PDLIM5: variants seen among roughly 807,000 people sequenced by gnomAD.
PDLIM5 encodes the protein PDZ and LIM domain protein 5.
A neutral mutation model predicts 64.2 loss-of-function variants in PDLIM5; 34 were observed. The observed-to-expected ratio is 0.53, with a 90% confidence interval of 0.40 to 0.71. The LOEUF is 0.71. Among genes scored for constraint, PDLIM5 ranks in the 30% least tolerant of loss-of-function variants. The pLI is 0.00. For synonymous variants in PDLIM5, 253 were observed against 269.1 expected, an observed-to-expected ratio of 0.94 and a Z score of 0.59; for missense variants, 683 against 733.6, an observed-to-expected ratio of 0.93 and a Z score of 0.80.
chr4:94,499,104 A>C (rs1727667363), intron 2 of PDLIM5, among the ~76,000 whole-genome samples: 1 of 152,134 alleles, frequency 6.6e-6, no homozygotes, highest in Non-Finnish European at 1.5e-5. Context: ...GATTGGTTAG[A>C]CCAAATGGTC....
rs1186437422 is a variant in PDLIM5, at chr4:94,482,339, T to A, written c.96+26955T>A. 2.6e-5 allele frequency among the ~76,000 whole-genome samples: 4 copies of A among 152,092 alleles called. No individual in the cohort carries two copies. In the East Asian group the frequency reaches 7.7e-4, roughly 29 times the overall value. On this transcript the variant is annotated intron_variant, in intron 2 of 12. Transcript: ENST00000317968. ...TGTGAGCCACTGCACCCAGCCCAAT[T>A]TTGGTTAAGTTTAAGACCTTTTGAG... is the stretch of plus-strand genomic sequence containing the variant.
At chr4:94,462,090 TCCTGA>T (rs1723942376) in intron 2 of PDLIM5, among the ~76,000 whole-genome samples, 1 of 152,180 alleles carries the variant, frequency 6.6e-6, no homozygotes, top group East Asian at 1.9e-4. Flanking sequence ...GGTCTCGAAC[TCCTGA>T]CCTTTGATCC....
intron 9 of PDLIM5, among the ~76,000 whole-genome samples, chr4:94,649,802 A>G (rs1204075199): frequency 6.6e-6 from 1 of 152,244 alleles, no homozygotes; most frequent in African/African-American, 2.4e-5. Flanking sequence ...CTCAAAAAGA[A>G]TTGACTGTAG....
intron 2 of PDLIM5, among the ~76,000 whole-genome samples, chr4:94,474,290 G>A (rs936740931): frequency 1.3e-5 from 2 of 151,954 alleles, no homozygotes; most frequent in African/African-American, 2.4e-5. Flanking sequence ...TTGCTCTGTC[G>A]CCCAGGGTGG....
chr4:94,662,528 T>G lies in PDLIM5; in HGVS notation c.1692T>G (p.Phe564Leu). The change falls in exon 12 of 13, where the codon TTT (phenylalanine) becomes TTG (leucine). Residue 564 changes from phenylalanine to leucine, a missense_variant. Transcript: ENST00000317968. ...GCTACACCTGGCATGACACTTGCTT[T>G]GTATGCTCAGTAAGTAGAGTCTTAT... ...ALGYTWHDTC[F>L]VCSVCCESLE... The G allele has an allele frequency of 6.6e-7, 1 of 1,524,576 alleles. No individual in the cohort carries two copies. The highest frequency in any genetic ancestry group is 1.1e-5 in the South Asian group (1 of 89,266). The allele number at this position is 1,524,576 out of a possible 1,614,324, so 94.4% of individuals were successfully genotyped here. A position where few individuals can be genotyped will look rare whatever the true frequency, so the allele number is the denominator to read the frequency against.
chr4:94,489,742 A>G (rs1726687528), intron 2 of PDLIM5, among the ~76,000 whole-genome samples: 1 of 152,092 alleles, frequency 6.6e-6, no homozygotes, highest in African/African-American at 2.4e-5. Context: ...CCTGGGCAAC[A>G]TAGGGAAGGC....
chr4:94,542,336 T>TAAATAAATAAATAAATA (rs34137049), intron 3 of PDLIM5, among the ~76,000 whole-genome samples: 1,930 of 141,442 alleles, frequency 0.014, 41 homozygotes, highest in African/African-American at 0.051. Context: ...ATAAATAAAG[T>TAAATAAATAAATAAATA]AAGTAAGTAA....
At chr4:94,656,535 A>G (rs1742222178) in intron 10 of PDLIM5, among the ~76,000 whole-genome samples, 1 of 150,234 alleles carries the variant, frequency 6.7e-6, no homozygotes, top group Non-Finnish European at 1.5e-5. Flanking sequence ...GGATTACATT[A>G]TATTTTTATT....
In PDLIM5 at chr4:94,524,393, A is replaced by AT. The variant is rs1031934710; in HGVS notation, c.248+518_248+519insT. On this transcript the variant is annotated intron_variant, in intron 3 of 12. Transcript: ENST00000317968. ...CAAAAAAAAAAAAAAAAAAAAAAAA[A>AT]ATTGTGTATACAGCTTCAGAGAATT... Among the ~76,000 whole-genome samples the AT allele has an allele frequency of 2.0e-4, 29 of 143,242 alleles. No homozygotes were observed. In the East Asian group the frequency reaches 2.2e-3, roughly 11 times the overall value. The allele number at this position is 143,242 out of a possible 152,430, so 94.0% of individuals were successfully genotyped here.
chr4:94,539,891 T>A lies in PDLIM5; in HGVS notation c.248+16016T>A, dbSNP rs942428144. ...GAAGAGTTGGGAGATGGTTAGAGGGTTGGGAGGGTTCAGATTATAAAATGT... is the reference window on the plus strand; with the variant it reads ...GAAGAGTTGGGAGATGGTTAGAGGGATGGGAGGGTTCAGATTATAAAATGT... On this transcript the variant is annotated intron_variant, in intron 3 of 12. Coordinates refer to ENST00000317968, the MANE Select transcript of PDLIM5 (RefSeq NM_006457.5). Among the ~76,000 whole-genome samples the A allele has an allele frequency of 3.3e-5, 5 of 152,132 alleles. No individual in the cohort carries two copies. The South Asian group carries it at 1.0e-3, about 32-fold the overall frequency.
intron 2 of PDLIM5, among the ~76,000 whole-genome samples, chr4:94,462,704 AG>A (rs1345901223): frequency 2.0e-5 from 3 of 152,306 alleles, no homozygotes; most frequent in Admixed American, 2.0e-4. Flanking sequence ...GATGAGTCAG[AG>A]GGTGTATGCA....
chr4:94,545,841 TG>T (rs1275436910), intron 3 of PDLIM5, among the ~76,000 whole-genome samples: 1 of 152,236 alleles, frequency 6.6e-6, no homozygotes, highest in Non-Finnish European at 1.5e-5. Context: ...TAATTTCTTA[TG>T]GCCTGATATT....
intron 3 of PDLIM5, among the ~76,000 whole-genome samples, chr4:94,543,270 G>T (rs1467316537): frequency 6.6e-6 from 1 of 151,442 alleles, no homozygotes; most frequent in East Asian, 1.9e-4. Context: ...CCATCTTCAG[G>T]TGACTGTTGT....
chr4:94,616,096 G>A (rs1430702041), intron 7 of PDLIM5, among the ~76,000 whole-genome samples: 1 of 152,062 alleles, frequency 6.6e-6, no homozygotes, highest in Non-Finnish European at 1.5e-5. Flanking sequence ...GTTATTTCCA[G>A]ACTATATATT....
intron 2 of PDLIM5, among the ~76,000 whole-genome samples, chr4:94,458,688 A>G (rs1392018452): frequency 2.0e-5 from 3 of 152,194 alleles, no homozygotes; most frequent in Non-Finnish European, 4.4e-5. Flanking sequence ...GTGTTATGAG[A>G]TAAGCCACTA....
At chr4:94,608,101 C>T (rs1428893329) in intron 7 of PDLIM5, 1 of 1,532,444 alleles carries the variant, frequency 6.5e-7, no homozygotes, top group Non-Finnish European at 8.7e-7. Context: ...GTGGACCTCA[C>T]CCTCCTGCAA....
intron 8 of PDLIM5, among the ~76,000 whole-genome samples, chr4:94,632,143 T>C (rs1406876117): frequency 1.3e-5 from 2 of 152,232 alleles, no homozygotes; most frequent in Admixed American, 1.3e-4. Flanking sequence ...CCCACTATAA[T>C]ATAATTGACT....
intron 3 of PDLIM5, among the ~76,000 whole-genome samples, chr4:94,543,811 TGTGTGTGTGTGTGTGTG>T (rs1732058091): frequency 7.1e-6 from 1 of 139,948 alleles, no homozygotes; most frequent in African/African-American, 2.8e-5. Context: ...TGTGTGTGTG[TGTGTGTGTGTGTGTGTG>T]TGTGTGTTTT....
chr4:94,619,352 C>CTTT (rs5860369), intron 8 of PDLIM5, among the ~76,000 whole-genome samples: 184 of 143,580 alleles, frequency 1.3e-3, no homozygotes, highest in African/African-American at 4.5e-3. Context: ...TCTTTTTTTT[C>CTTT]TTTTTTTTTT....
Sources: gnomAD v4.1 joint callset for allele counts (sites outside exome capture counted in the v4.1 genomes callset) on GRCh38, gnomAD v4.1.1 for gene constraint, MANE v1.5 for transcripts, NCBI Gene and HGNC (gene_info 2026-07-23, HGNC 2026-07-21) for gene names.